KATNIP: variants seen among roughly 807,000 people sequenced by gnomAD.
KATNIP encodes katanin interacting protein.
In KATNIP, 126 loss-of-function variants were observed where a neutral mutation model predicts 174.0. The ratio of observed to expected loss-of-function variants is 0.72; its 90% CI spans 0.63 to 0.84. The LOEUF is 0.84. KATNIP is among the 40% of genes least tolerant of loss of function. The pLI is 0.00. For synonymous variants in KATNIP, 810 were observed against 835.7 expected (o/e 0.97, Z 0.53); for missense variants, 1,958 against 2,109.7 (o/e 0.93, Z 1.41).
At chr16:27,752,527 G>C (rs2081559322) in intron 17 of KATNIP, among the ~76,000 whole-genome samples, 1 of 152,208 alleles carries the variant, frequency 6.6e-6, no homozygotes, top group African/African-American at 2.4e-5. Flanking sequence ...CACAGTTTAT[G>C]CTTTTAATTG....
In KATNIP at chr16:27,654,760, A is replaced by G. The variant is rs1460675263; in HGVS notation, c.540+6025A>G. The G allele has an allele frequency of 3.7e-6, 5 of 1,351,764 alleles. No individual in the cohort carries two copies. In the South Asian group the frequency reaches 5.7e-5, roughly 15 times the overall value. The allele number at this position is 1,351,764 out of a possible 1,614,324, so 83.7% of individuals were successfully genotyped here. A position where few individuals can be genotyped will look rare whatever the true frequency, so the allele number is the denominator to read the frequency against. ...TGGTAAGATCAGTTTTCAGCATCCTAACCCCTAAGGGCTGGGGATCTTTTC... is the reference window on the plus strand; with the variant it reads ...TGGTAAGATCAGTTTTCAGCATCCTGACCCCTAAGGGCTGGGGATCTTTTC... On this transcript the variant is annotated intron_variant, in intron 6 of 27. Coordinates refer to ENST00000261588, the MANE Select transcript of KATNIP (RefSeq NM_015202.5).
At chr16:27,652,098 A>G (rs2077137715) in intron 6 of KATNIP, among the ~76,000 whole-genome samples, 1 of 152,266 alleles carries the variant, frequency 6.6e-6, no homozygotes, top group African/African-American at 2.4e-5. Flanking sequence ...TGTGTGCTCC[A>G]GTGTACCACC....
chr16:27,554,950 C>G (rs1319634430), intron 1 of KATNIP, among the ~76,000 whole-genome samples: 2 of 151,956 alleles, frequency 1.3e-5, no homozygotes, highest in Non-Finnish European at 2.9e-5. Flanking sequence ...CACGCCACCA[C>G]GCCTGGCTAA....
intron 6 of KATNIP, among the ~76,000 whole-genome samples, chr16:27,663,906 G>T (rs1284055772): frequency 6.6e-6 from 1 of 151,858 alleles, no homozygotes; most frequent in Non-Finnish European, 1.5e-5. Context: ...AATCTTCTGG[G>T]GTCAAGTGAT....
At chr16:27,599,020 A>G (rs183264000) in intron 2 of KATNIP, among the ~76,000 whole-genome samples, 131 of 152,234 alleles carry the variant, frequency 8.6e-4, no homozygotes, top group African/African-American at 3.0e-3. Flanking sequence ...AAGGGATACA[A>G]CTGTAAGCCA....
intron 8 of KATNIP, among the ~76,000 whole-genome samples, chr16:27,693,183 T>C (rs534762146): frequency 6.6e-6 from 1 of 152,306 alleles, no homozygotes; most frequent in African/African-American, 2.4e-5. Flanking sequence ...AACCTCATTC[T>C]CAGCCCATGT....
chr16:27,767,546 C>G (rs925730878), intron 20 of KATNIP, among the ~76,000 whole-genome samples: 1 of 152,028 alleles, frequency 6.6e-6, no homozygotes, highest in South Asian at 2.1e-4. Context: ...ACAGAGAGAC[C>G]CCCATCTCTA....
intron 6 of KATNIP, among the ~76,000 whole-genome samples, chr16:27,664,699 C>CA (rs1361443422): frequency 1.1e-4 from 17 of 152,288 alleles, no homozygotes; most frequent in African/African-American, 4.1e-4. Context: ...TTATATATTT[C>CA]AAATATCTGT....
At chr16:27,739,048 A>G (rs2081005109) in intron 14 of KATNIP, among the ~76,000 whole-genome samples, 1 of 151,494 alleles carries the variant, frequency 6.6e-6, no homozygotes, top group South Asian at 2.1e-4. Context: ...ATGAAGTGTG[A>G]GTGCAGGGAT....
At chr16:27,701,873 G>T (rs1445869723) in intron 11 of KATNIP, among the ~76,000 whole-genome samples, 178 bp downstream of exon 11, 1 of 152,142 alleles carries the variant, frequency 6.6e-6, no homozygotes, top group Non-Finnish European at 1.5e-5. Flanking sequence ...GCTCACTGCA[G>T]CCTCAAACTC....
In KATNIP at chr16:27,749,620, G is replaced by C. The variant is rs774687748; in HGVS notation, c.2660G>C (p.Arg887Thr). Residue 887 changes from arginine to threonine, a missense_variant, in exon 16 of 28, where the codon AGG becomes ACG. Transcript: ENST00000261588. ...TCTTCCAGGACGCCGTCACGGTCAA[G>C]GTGGCGCAGTGAGCAGGAGCACACA... ...TWSSRTPSRS[R>T]WRSEQEHTLH... is the part of the protein sequence containing the mutation. The C allele has an allele frequency of 6.4e-7, 1 of 1,551,550 alleles. No individual in the cohort carries two copies. The highest frequency in any genetic ancestry group is 8.7e-7 in the Non-Finnish European group (1 of 1,150,076).
At chr16:27,645,320 G>A (rs233466) in intron 5 of KATNIP, among the ~76,000 whole-genome samples, 2 of 152,150 alleles carry the variant, frequency 1.3e-5, no homozygotes, top group Admixed American at 6.5e-5. Context: ...TTCATGAGTG[G>A]TGTCTTAACA....
intron 2 of KATNIP, among the ~76,000 whole-genome samples, chr16:27,601,258 G>A (rs1250810190): frequency 6.6e-6 from 1 of 152,202 alleles, no homozygotes; most frequent in Non-Finnish European, 1.5e-5. Context: ...GCTCTCGTGG[G>A]TCTGGCGTCC....
chr16:27,652,352 G>C (rs1846842834), intron 6 of KATNIP, among the ~76,000 whole-genome samples: 1 of 152,132 alleles, frequency 6.6e-6, no homozygotes, highest in South Asian at 2.1e-4. Context: ...CAGAAATAAA[G>C]ATACGGGATT....
At chr16:27,737,053 G>C (rs1365896136) in intron 14 of KATNIP, among the ~76,000 whole-genome samples, 2 of 152,144 alleles carry the variant, frequency 1.3e-5, no homozygotes, top group Non-Finnish European at 2.9e-5. Context: ...GATAGTTTAA[G>C]ACTAAGTGTG....
chr16:27,610,387 A>G (rs1163927359), intron 2 of KATNIP, among the ~76,000 whole-genome samples: 1 of 152,138 alleles, frequency 6.6e-6, no homozygotes, highest in Non-Finnish European at 1.5e-5. Flanking sequence ...CAAGGATTGG[A>G]GAGACCTTCC....
At chr16:27,648,869 C>G (rs2077040753) in intron 6 of KATNIP, 134 bp downstream of exon 6, 2 of 1,076,858 alleles carry the variant, frequency 1.9e-6, no homozygotes, top group East Asian at 2.6e-5. Context: ...TTCACTCTTG[C>G]GTTCATTTCA....
intron 6 of KATNIP, among the ~76,000 whole-genome samples, chr16:27,673,872 A>T (rs142684248): frequency 6.6e-6 from 1 of 152,338 alleles, no homozygotes; most frequent in Non-Finnish European, 1.5e-5. Context: ...TCCAAGGTAC[A>T]TGAGGGCACT....
At chr16:27,640,846 G>A (rs1329903037) in intron 5 of KATNIP, among the ~76,000 whole-genome samples, 1 of 152,178 alleles carries the variant, frequency 6.6e-6, no homozygotes, top group African/African-American at 2.4e-5. Context: ...AACCACAGAC[G>A]AGAGAGAGGC....
Sources: allele counts gnomAD v4.1 joint callset (sites outside exome capture counted in the v4.1 genomes callset), GRCh38; gene constraint gnomAD v4.1.1; transcripts MANE v1.5; gene names NCBI Gene and HGNC (gene_info 2026-07-23, HGNC 2026-07-21).